The following SYNJ2 variants were observed in gnomAD, a reference collection of about 807,000 sequenced individuals.
SYNJ2 encodes the protein synaptojanin 2, also known as polyphosphatidylinositol phosphatase SYNJ2.
A neutral mutation model predicts 141.3 loss-of-function variants in SYNJ2; 116 were observed. The observed-to-expected ratio is 0.82, with a 90% confidence interval of 0.71 to 0.96. The LOEUF is 0.96. SYNJ2 is among the 40% of genes least tolerant of loss of function. The probability of loss-of-function intolerance (pLI) is 0.00; values close to 1 mark genes in which losing one functional copy is unlikely to be tolerated. For missense variants in SYNJ2, 1,873 were observed against 1,934.8 expected (o/e 0.97, Z 0.60); for synonymous variants, 745 against 777.7 (o/e 0.96, Z 0.70).
chr6:158,013,452 A>G (rs981622165), intron 1 of SYNJ2, among the ~76,000 whole-genome samples: 1 of 152,214 alleles, frequency 6.6e-6, no homozygotes, highest in Non-Finnish European at 1.5e-5. Context: ...TGAAGCTCCA[A>G]TGGCTGCCAG....
chr6:158,058,206 CAT>C (rs1269088895), intron 6 of SYNJ2, among the ~76,000 whole-genome samples: 2 of 152,160 alleles, frequency 1.3e-5, no homozygotes, highest in East Asian at 3.8e-4. Flanking sequence ...CTTTTGACAT[CAT>C]GTGTTTTTTT....
Position 158,081,633 on chromosome 6 carries a change from T to C in SYNJ2, c.2865+123T>C, listed in dbSNP as rs1782694355. On this transcript the variant is annotated intron_variant, in intron 20 of 26. Transcript: ENST00000355585. ...TTTTTTTTTTTTTTTTTTTTTTTTTTTTCTCTGAGACAAAGTCTTGCTCTG... is the reference window on the plus strand; with the variant it reads ...TTTTTTTTTTTTTTTTTTTTTTTTTCTTCTCTGAGACAAAGTCTTGCTCTG... The C allele has an allele frequency of 3.6e-5, 9 of 247,036 alleles. No individual in the cohort carries two copies. In the East Asian group the frequency reaches 5.5e-4, roughly 15 times the overall value. The allele number at this position is 247,036 out of a possible 1,614,324, so 15.3% of individuals were successfully genotyped here.
chr6:157,988,170 C>T (rs1466132390), intron 1 of SYNJ2, among the ~76,000 whole-genome samples: 1 of 152,210 alleles, frequency 6.6e-6, no homozygotes, highest in Non-Finnish European at 1.5e-5. Context: ...CAGGCCCGGG[C>T]GTTGGGGTGG....
chr6:157,982,040 G>A lies in SYNJ2; in HGVS notation c.79G>A (p.Gly27Ser). Residue 27 changes from glycine (G) to serine (S), a missense_variant, in exon 1 of 27, where the codon GGC (glycine) becomes AGC (serine). Transcript: ENST00000355585. This position sits in a 1 kb window ranked among gnomAD's most constrained non-coding sequence, Gnocchi z 4.0. ...CTGTAGCGTGCTGCTGGAGGCGCGC[G>A]GCCGCGACGACTGCCTGCTGTTCGA... is the stretch of plus-strand genomic sequence containing the variant. ...GDCSVLLEAR[G>S]RDDCLLFEAG... The A allele has an allele frequency of 7.5e-7, 1 of 1,333,176 alleles. No homozygotes were observed. The highest frequency in any genetic ancestry group is 9.6e-7 in the Non-Finnish European group (1 of 1,044,912). 82.6% of individuals were successfully genotyped at this position (1,333,176 alleles called of 1,614,324 possible). A position where few individuals can be genotyped will look rare whatever the true frequency, so the allele number is the denominator to read the frequency against.
intron 22 of SYNJ2, among the ~76,000 whole-genome samples, 163 bp from the exon 23 acceptor site, chr6:158,086,692 C>T (rs543585199): frequency 3.3e-5 from 5 of 150,594 alleles, no homozygotes; most frequent in Middle Eastern, 3.4e-3. Flanking sequence ...CCTCCCCGCC[C>T]CCGCCCCTCG....
chr6:158,017,401 T>A, intron 2 of SYNJ2, 111 bp downstream of exon 2: 574 of 764,972 alleles, frequency 7.5e-4, no homozygotes, highest in Non-Finnish European at 9.8e-4. Context: ...CTTCTCTCTC[T>A]CTTCTTTTTT....
At chr6:158,083,282 C>A in intron 20 of SYNJ2, 147 bp from the exon 21 acceptor site, 2 of 901,424 alleles carry the variant, frequency 2.2e-6, no homozygotes, top group Non-Finnish European at 3.3e-6. Context: ...GCTGAGCCTG[C>A]GTGAGGTCTG....
At chr6:158,026,451 GCTCCCCTGC>G (rs1779052237) in intron 2 of SYNJ2, among the ~76,000 whole-genome samples, 1 of 152,136 alleles carries the variant, frequency 6.6e-6, no homozygotes, top group African/African-American at 2.4e-5. Flanking sequence ...CGCCTGTACA[GCTCCCCTGC>G]CTCCACTGCG....
chr6:158,023,264 T>TAAAAA (rs112882268), intron 2 of SYNJ2, among the ~76,000 whole-genome samples: 3,517 of 125,264 alleles, frequency 0.028, 59 homozygotes, highest in Non-Finnish European at 0.043. Context: ...TCTCTAAATT[T>TAAAAA]AAAAAAAAAA....
chr6:158,022,389 A>C lies in SYNJ2; in HGVS notation c.214+5099A>C, dbSNP rs188821939. ...CCGGTAAACGGGGCCTTGGGTCTGC[A>C]AGCCACGTATCATGACTCCAACAGC... On this transcript the variant is annotated intron_variant, in intron 2 of 26. Transcript: ENST00000355585. Among the ~76,000 whole-genome samples, 35 of 152,306 alleles carry C rather than the reference A, an allele frequency of 2.3e-4. No individual in the cohort carries two copies. In the East Asian group the frequency reaches 6.8e-3, roughly 29 times the overall value.
chr6:158,082,616 C>T (rs547916129), intron 20 of SYNJ2, among the ~76,000 whole-genome samples: 3 of 152,044 alleles, frequency 2.0e-5, no homozygotes, highest in South Asian at 4.1e-4. Flanking sequence ...GAGCTGAGAT[C>T]GTGCCACTGC....
At chr6:158,010,290 G>T (rs1452380900) in intron 1 of SYNJ2, among the ~76,000 whole-genome samples, 1 of 152,234 alleles carries the variant, frequency 6.6e-6, no homozygotes, top group Non-Finnish European at 1.5e-5. Flanking sequence ...AAGCAAAAAG[G>T]ATTTCTTCTT....
intron 22 of SYNJ2, among the ~76,000 whole-genome samples, chr6:158,086,577 G>A (rs1174723040): frequency 6.6e-6 from 1 of 152,214 alleles, no homozygotes; most frequent in Non-Finnish European, 1.5e-5. Context: ...CCCAAGTCTT[G>A]TTATTTCACA....
intron 1 of SYNJ2, among the ~76,000 whole-genome samples, chr6:157,995,686 G>C (rs1777610294): frequency 1.3e-5 from 2 of 152,228 alleles, no homozygotes; most frequent in African/African-American, 4.8e-5. Flanking sequence ...GCGGGGACGG[G>C]GAGTTGGTGA....
At chr6:158,042,827 G>A (rs768294597) in intron 4 of SYNJ2, among the ~76,000 whole-genome samples, 1 of 152,230 alleles carries the variant, frequency 6.6e-6, no homozygotes, top group Non-Finnish European at 1.5e-5. Context: ...TGTCAAGTAC[G>A]AGACTGGCTA....
intron 25 of SYNJ2, among the ~76,000 whole-genome samples, chr6:158,091,558 C>G (rs767223577): frequency 5.9e-5 from 9 of 151,716 alleles, no homozygotes; most frequent in Non-Finnish European, 1.0e-4. Flanking sequence ...ACCATCCTGG[C>G]TAACACAGTG....
chr6:158,061,878 C>T (rs1781241757), intron 7 of SYNJ2, 114 bp from the exon 8 acceptor site: 5 of 1,061,708 alleles, frequency 4.7e-6, no homozygotes, highest in South Asian at 1.5e-5. Flanking sequence ...AGCTAAAGCA[C>T]GTCCTGCGGC....
intron 1 of SYNJ2, among the ~76,000 whole-genome samples, chr6:158,008,947 C>G (rs1182757713): frequency 6.6e-6 from 1 of 152,210 alleles, no homozygotes. Flanking sequence ...TTCCCCACGC[C>G]ACTTCCTCCA....
At chr6:157,989,750 A>G (rs36079458) in intron 1 of SYNJ2, among the ~76,000 whole-genome samples, 3 of 152,140 alleles carry the variant, frequency 2.0e-5, no homozygotes, top group Non-Finnish European at 4.4e-5. Context: ...AAAGGATGCT[A>G]CAAGGCCCCA....
Sources: allele counts gnomAD v4.1 joint callset (sites outside exome capture counted in the v4.1 genomes callset), GRCh38; gene constraint gnomAD v4.1.1; non-coding constraint Gnocchi (gnomAD v3.1); transcripts MANE v1.5; gene names NCBI Gene and HGNC (gene_info 2026-07-23, HGNC 2026-07-21).